The following CDH12 variants were observed in gnomAD, a reference collection of about 807,000 sequenced individuals.
CDH12 encodes the protein cadherin 12, also known as cadherin-12.
In CDH12, 41 loss-of-function variants were observed where a neutral mutation model predicts 74.1. The observed-to-expected ratio is 0.55, with a 90% CI of 0.43 to 0.72. CDH12 has a LOEUF of 0.72. Among genes scored for constraint, CDH12 ranks in the 30% least tolerant of loss-of-function variants. The probability of loss-of-function intolerance (pLI) is 0.00; values close to 1 mark genes in which losing one functional copy is unlikely to be tolerated. For missense variants in CDH12, 945 were observed against 977.2 expected, an observed-to-expected ratio of 0.97 and a Z score of 0.44; for synonymous variants, 399 against 355.0, an observed-to-expected ratio of 1.12 and a Z score of -1.39.
At chr5:21,993,617 A>C (rs913534542) in intron 5 of CDH12, among the ~76,000 whole-genome samples, 1 of 152,180 alleles carries the variant, frequency 6.6e-6, no homozygotes, top group African/African-American at 2.4e-5. Context: ...CAATCTTAAG[A>C]GAGCAAGGAA....
chr5:22,482,516 T>C (rs935879278), intron 2 of CDH12, among the ~76,000 whole-genome samples: 7 of 152,150 alleles, frequency 4.6e-5, no homozygotes, highest in African/African-American at 7.2e-5. Context: ...TTAAAACTTA[T>C]CATGTATATA....
chr5:22,694,247 CACTCTT>C (rs1198462002), intron 1 of CDH12, among the ~76,000 whole-genome samples: 10 of 152,244 alleles, frequency 6.6e-5, no homozygotes, highest in African/African-American at 2.4e-4. Flanking sequence ...AGAGAAGAAA[CACTCTT>C]AAATCATCAA....
chr5:22,205,845 C>A (rs1009324830), intron 4 of CDH12, among the ~76,000 whole-genome samples: 1 of 151,952 alleles, frequency 6.6e-6, no homozygotes, highest in Non-Finnish European at 1.5e-5. Context: ...CAATGAACAC[C>A]CTGTCCCTCT....
chr5:21,899,989 A>G lies in CDH12; in HGVS notation c.527-45199T>C, dbSNP rs185539172. Among the ~76,000 whole-genome samples, 36 of 152,240 alleles carry G rather than the reference A, an allele frequency of 2.4e-4. No homozygotes were observed. The East Asian group carries it at 6.9e-3, about 29-fold the overall frequency. ...TTGAACATTTTATTCATATATCTAT[A>G]TGGAATTTATATATACAAATCCACA... On this transcript the variant is annotated intron_variant, in intron 6 of 14. Coordinates refer to ENST00000382254, the MANE Select transcript of CDH12 (RefSeq NM_004061.5).
In CDH12 at chr5:22,079,624, T is replaced by C. The variant is rs1005199948; in HGVS notation, c.-186-762A>G. Among the ~76,000 whole-genome samples the C allele has an allele frequency of 2.0e-5, 3 of 152,272 alleles. No individual in the cohort carries two copies. The East Asian group carries it at 5.8e-4, about 29-fold the overall frequency. On this transcript the variant is annotated intron_variant, in intron 4 of 14. Coordinates refer to ENST00000382254, the MANE Select transcript of CDH12 (RefSeq NM_004061.5). ...CTGGATATACCAGAAACCTTGACAA[T>C]GTGAGTATTACTTTATAGACGTTGT...
chr5:21,900,837 TCATA>T lies in CDH12; in HGVS notation c.527-46051_527-46048del, dbSNP rs1753352887. On this transcript the variant is annotated intron_variant, in intron 6 of 14. Coordinates refer to ENST00000382254, the MANE Select transcript of CDH12 (RefSeq NM_004061.5). ...CTCAGAATGACGATGGGCTACAGAA[TCATA>T]CAGTCATCTTTAAAACCTCTGCCTA... 2.6e-5 allele frequency among the ~76,000 whole-genome samples: 4 copies of T among 152,224 alleles called. No homozygotes were observed. The South Asian group carries it at 8.3e-4, about 32-fold the overall frequency.
chr5:21,999,926 A>C (rs1736507887), intron 5 of CDH12, among the ~76,000 whole-genome samples: 2 of 152,168 alleles, frequency 1.3e-5, no homozygotes, highest in Non-Finnish European at 2.9e-5. Context: ...ATTAAATAAA[A>C]TAATAAAAAA....
chr5:21,928,015 T>C (rs1754666709), intron 6 of CDH12, among the ~76,000 whole-genome samples: 1 of 151,816 alleles, frequency 6.6e-6, no homozygotes, highest in South Asian at 2.1e-4. Context: ...GAGCTTGCAA[T>C]GAGCCCAGAT....
intron 5 of CDH12, among the ~76,000 whole-genome samples, chr5:22,034,975 C>T (rs986528998): frequency 4.6e-5 from 7 of 152,106 alleles, no homozygotes; most frequent in East Asian, 3.9e-4. Context: ...TATGGTGAAA[C>T]TGACTTTCTT....
intron 5 of CDH12, among the ~76,000 whole-genome samples, chr5:22,045,918 C>T (rs11954657): frequency 0.017 from 2,645 of 152,082 alleles, 75 homozygotes; most frequent in African/African-American, 0.06. Context: ...TTATATATTC[C>T]ACAATATCTA....
intron 5 of CDH12, among the ~76,000 whole-genome samples, chr5:22,030,357 G>A (rs181531000): frequency 6.6e-6 from 1 of 152,278 alleles, no homozygotes; most frequent in East Asian, 1.9e-4. Flanking sequence ...CAGAATGAAT[G>A]TTGTATTAGC....
intron 5 of CDH12, among the ~76,000 whole-genome samples, chr5:21,984,684 G>T (rs1485740092): frequency 1.3e-5 from 2 of 152,152 alleles, no homozygotes; most frequent in Non-Finnish European, 2.9e-5. Context: ...TTCCGAAGAG[G>T]AGTTAAAGGT....
intron 3 of CDH12, among the ~76,000 whole-genome samples, chr5:22,255,669 CAT>C (rs1256523719): frequency 1.3e-4 from 19 of 151,516 alleles, no homozygotes; most frequent in Admixed American, 9.2e-4. Flanking sequence ...TAGTGGATGA[CAT>C]ATTTAATTTA....
At chr5:21,995,904 G>A (rs562236651) in intron 5 of CDH12, among the ~76,000 whole-genome samples, 4 of 151,896 alleles carry the variant, frequency 2.6e-5, no homozygotes, top group African/African-American at 4.8e-5. Flanking sequence ...TTTTGCTTCC[G>A]TGATCATGCT....
In CDH12 at chr5:22,075,015, G is replaced by A. The variant is rs1742207781; in HGVS notation, c.231+3431C>T. Among the ~76,000 whole-genome samples, 3 of 152,110 alleles carry A rather than the reference G, an allele frequency of 2.0e-5. No individual in the cohort carries two copies. The South Asian group carries it at 6.2e-4, about 32-fold the overall frequency. On this transcript the variant is annotated intron_variant, in intron 5 of 14. Coordinates refer to ENST00000382254, the MANE Select transcript of CDH12 (RefSeq NM_004061.5). ...GCTATAAAGAGACATGCACACGTAT[G>A]TTTATTGTGGCACTATTCACAATAG...
At chr5:22,347,420 T>C (rs1026111317) in intron 3 of CDH12, among the ~76,000 whole-genome samples, 2 of 151,880 alleles carry the variant, frequency 1.3e-5, no homozygotes, top group African/African-American at 2.4e-5. Context: ...TTTTGGGCTC[T>C]TAGACCTACA....
rs368721374 is a variant in CDH12 at position 22,694,131 on chromosome 5, G to T, written c.-523+158927C>A. ...TTTTAAATTTTTTTTGTAGAGATGG[G>T]GTCTTGCTTGGTTGCCCAGGCTGAC... On this transcript the variant is annotated intron_variant, in intron 1 of 14. Coordinates refer to ENST00000382254, the MANE Select transcript of CDH12 (RefSeq NM_004061.5). Among the ~76,000 whole-genome samples, 63 of 151,904 alleles carry T rather than the reference G, an allele frequency of 4.1e-4. No homozygotes were observed. In the East Asian group the frequency reaches 7.0e-3, roughly 17 times the overall value.
intron 4 of CDH12, among the ~76,000 whole-genome samples, chr5:22,088,087 A>T (rs1163618994): frequency 6.6e-6 from 1 of 152,200 alleles, no homozygotes; most frequent in Non-Finnish European, 1.5e-5. Flanking sequence ...CTGAGAGTGA[A>T]ATTTAAAAGT....
intron 4 of CDH12, among the ~76,000 whole-genome samples, chr5:22,119,905 A>T (rs1745404760): frequency 6.6e-6 from 1 of 152,198 alleles, no homozygotes; most frequent in Non-Finnish European, 1.5e-5. Flanking sequence ...AAATAAAAGG[A>T]TGCTAATAAA....
Sources: allele counts gnomAD v4.1 joint callset (sites outside exome capture counted in the v4.1 genomes callset), GRCh38; gene constraint gnomAD v4.1.1; transcripts MANE v1.5; gene names NCBI Gene and HGNC (gene_info 2026-07-23, HGNC 2026-07-21).